Variants in SGCD observed in about 807,000 individuals in gnomAD.
SGCD encodes sarcoglycan delta, also known as delta-sarcoglycan.
A neutral mutation model predicts 36.6 loss-of-function variants in SGCD; 18 were observed. That is an observed-to-expected ratio of 0.49 (90% confidence interval 0.34 to 0.73). SGCD has a LOEUF of 0.73. Ranked by LOEUF, SGCD falls within the 30% of genes least tolerant of loss-of-function variation. SGCD has a pLI of 0.01. For synonymous variants in SGCD, 133 were observed against 130.6 expected (o/e 1.02, Z -0.12); for missense variants, 387 against 346.7 (o/e 1.12, Z -0.92).
chr5:156,423,338 TAA>T (rs1185099813), intron 3 of SGCD, among the ~76,000 whole-genome samples: 510 of 47,038 alleles, frequency 0.011, 10 homozygotes, highest in African/African-American at 0.09. Flanking sequence ...TATTATAATA[TAA>T]TATATTATAA....
chr5:156,095,928 C>A (rs1048425071), intron 1 of SGCD, among the ~76,000 whole-genome samples: 4 of 152,122 alleles, frequency 2.6e-5, no homozygotes, highest in African/African-American at 9.7e-5. Flanking sequence ...AAGTGACATC[C>A]CAAAAGAGAA....
At chr5:156,646,177 T>TG (rs1763217581) in intron 6 of SGCD, among the ~76,000 whole-genome samples, 1 of 152,142 alleles carries the variant, frequency 6.6e-6, no homozygotes, top group Admixed American at 6.6e-5. Flanking sequence ...GGTATTTGGT[T>TG]GGACAATGGG....
chr5:156,709,491 G>A (rs1433779196), intron 7 of SGCD, among the ~76,000 whole-genome samples: 1 of 152,118 alleles, frequency 6.6e-6, no homozygotes, highest in African/African-American at 2.4e-5. Context: ...AGAAAATCTG[G>A]GAAGAAAATC....
At chr5:156,183,089 G>A (rs1163742577) in intron 3 of SGCD, among the ~76,000 whole-genome samples, 2 of 152,128 alleles carry the variant, frequency 1.3e-5, no homozygotes, top group Admixed American at 1.3e-4. Context: ...AGACCAGCCT[G>A]GCCAACACAG....
chr5:155,889,492 G>T (rs1046824727), intron 1 of SGCD, among the ~76,000 whole-genome samples: 10 of 152,100 alleles, frequency 6.6e-5, no homozygotes, highest in African/African-American at 2.4e-4. Flanking sequence ...TAATTAAAGT[G>T]ATTAATAAGA....
At chr5:156,724,911 G>T (rs946240436) in intron 7 of SGCD, among the ~76,000 whole-genome samples, 1 of 152,046 alleles carries the variant, frequency 6.6e-6, no homozygotes, top group African/African-American at 2.4e-5. Flanking sequence ...GAATGTGTTT[G>T]TTTTTTTGTA....
upstream of SGCD, among the ~76,000 whole-genome samples, chr5:156,324,769 A>G (rs185999982): frequency 2.6e-5 from 4 of 152,250 alleles, no homozygotes; most frequent in Admixed American, 2.6e-4. Context: ...CCTGAAAAGA[A>G]GCAGGGCATA....
intron 6 of SGCD, among the ~76,000 whole-genome samples, chr5:156,610,824 C>T (rs114146801): frequency 0.014 from 2,061 of 152,336 alleles, 21 homozygotes; most frequent in Non-Finnish European, 0.021. Flanking sequence ...GCTCTGTGGG[C>T]GTAGGACCCT....
chr5:155,729,386 A>C, the SGCD span, among the ~76,000 whole-genome samples: 34 of 152,374 alleles, frequency 2.2e-4, no homozygotes, highest in Non-Finnish European at 4.6e-4. Flanking sequence ...TTCACTAAAG[A>C]AAAAAGACTG....
chr5:156,017,344 T>C (rs1399206332), intron 1 of SGCD, among the ~76,000 whole-genome samples: 3 of 152,142 alleles, frequency 2.0e-5, no homozygotes, highest in Admixed American at 6.5e-5. Context: ...TTATTATTTT[T>C]ATGTAGGCAA....
chr5:156,570,461 C>T (rs1377752325), intron 4 of SGCD, among the ~76,000 whole-genome samples: 1 of 152,170 alleles, frequency 6.6e-6, no homozygotes, highest in Non-Finnish European at 1.5e-5. Context: ...TTCCTTCATA[C>T]TTCTGACAAC....
At chr5:156,649,363 A>G (rs1763366271) in intron 7 of SGCD, among the ~76,000 whole-genome samples, 1 of 152,196 alleles carries the variant, frequency 6.6e-6, no homozygotes. Context: ...ATTACTGGGT[A>G]TATACCCAAA....
chr5:156,638,057 C>T (rs945025390), intron 6 of SGCD, among the ~76,000 whole-genome samples: 1 of 152,032 alleles, frequency 6.6e-6, no homozygotes, highest in African/African-American at 2.4e-5. Context: ...CATCACCACC[C>T]ACTTGCCTGG....
intron 1 of SGCD, among the ~76,000 whole-genome samples, chr5:156,051,170 A>C (rs1214811899): frequency 1.4e-5 from 2 of 146,678 alleles, no homozygotes; most frequent in African/African-American, 4.9e-5. Flanking sequence ...ATGGATTGTT[A>C]TTAAAAACAG....
intron 3 of SGCD, among the ~76,000 whole-genome samples, chr5:156,397,890 C>T (rs1771947005): frequency 6.6e-6 from 1 of 152,100 alleles, no homozygotes; most frequent in Non-Finnish European, 1.5e-5. Flanking sequence ...TGTTGTTCTC[C>T]ATCTCTCTTG....
chr5:156,009,066 G>A (rs1452282042), intron 1 of SGCD, among the ~76,000 whole-genome samples: 1 of 152,146 alleles, frequency 6.6e-6, no homozygotes, highest in Non-Finnish European at 1.5e-5. Context: ...TGGCCAGAGT[G>A]ACTGGAGCGA....
intron 3 of SGCD, among the ~76,000 whole-genome samples, chr5:156,199,263 A>G (rs540951409): frequency 3.3e-5 from 5 of 152,306 alleles, no homozygotes; most frequent in African/African-American, 1.2e-4. Flanking sequence ...TCACTTCTAC[A>G]TAACAGCAGC....
At chr5:156,541,578 G>A (rs1201055430) in intron 4 of SGCD, among the ~76,000 whole-genome samples, 1 of 152,148 alleles carries the variant, frequency 6.6e-6, no homozygotes. Flanking sequence ...AAACAAATGT[G>A]TGTTAGTCTT....
the SGCD span, among the ~76,000 whole-genome samples, chr5:155,847,968 T>A: frequency 3.3e-5 from 5 of 152,352 alleles, no homozygotes; most frequent in East Asian, 9.6e-4. Context: ...CGTTTGTGAA[T>A]GATATATTCT....
Sources: allele counts gnomAD v4.1 joint callset (sites outside exome capture counted in the v4.1 genomes callset), GRCh38; gene constraint gnomAD v4.1.1; transcripts MANE v1.5; gene names NCBI Gene and HGNC (gene_info 2026-07-23, HGNC 2026-07-21).